The following SNX21 variants were observed in gnomAD, a reference collection of about 807,000 sequenced individuals.
The protein encoded by SNX21 is sorting nexin family member 21.
SNX21 carries 36 observed loss-of-function variants against 30.9 expected under a neutral mutation model. The observed-to-expected ratio is 1.16, with a 90% CI of 0.89 to 1.54. The LOEUF (loss-of-function observed/expected upper bound fraction) is 1.54, where lower values mean the gene tolerates loss of function less well. Ranked by LOEUF, SNX21 falls within the 40% of genes most tolerant of loss-of-function variation. The probability of loss-of-function intolerance (pLI) is 0.00; values close to 1 mark genes in which losing one functional copy is unlikely to be tolerated. For missense variants in SNX21, 508 were observed against 516.5 expected (o/e 0.98, Z 0.16); for synonymous variants, 218 against 222.7 (o/e 0.98, Z 0.19).
Position 45,842,218 on chromosome 20 carries a change from C to T in SNX21, c.*905C>T. On this transcript the variant is annotated 3_prime_UTR_variant, in exon 4 of 4. Transcript: ENST00000491381. ...AAGGGTGCACTGAGTGTCGTGGCTG[C>T]TCCAAATGCCCCTTCATGAGCTTAT... is the stretch of plus-strand genomic sequence containing the variant. 3 of 1,452,686 alleles carry T rather than the reference C, an allele frequency of 2.1e-6. No individual in the cohort carries two copies. Among genetic ancestry groups the T allele is most frequent in the Non-Finnish European group, 2.7e-6 (3 of 1,110,602 alleles). 90.0% of individuals were successfully genotyped at this position (1,452,686 alleles called of 1,614,324 possible).
intron 3 of SNX21, among the ~76,000 whole-genome samples, chr20:45,837,341 T>C (rs1039155884): frequency 2.6e-5 from 4 of 152,232 alleles, no homozygotes; most frequent in African/African-American, 9.6e-5. Context: ...GGCAATATGT[T>C]TTGAGAATGC....
At chr20:45,834,818 T>C in intron 2 of SNX21, 141 bp from the exon 3 acceptor site, 1 of 1,136,184 alleles carries the variant, frequency 8.8e-7, no homozygotes, top group Non-Finnish European at 1.3e-6. Context: ...GGCTCCTCGG[T>C]GCCTCTCTGT....
intron 3 of SNX21, among the ~76,000 whole-genome samples, chr20:45,839,342 C>T (rs11696533): frequency 0.6 from 90,481 of 151,614 alleles, 27,448 homozygotes; most frequent in African/African-American, 0.71. Context: ...AGTGAAACCC[C>T]GTCTCTACTA....
rs759037876 is a variant in SNX21, at chr20:45,843,066, A to G, written c.*1753A>G. The G allele has an allele frequency of 8.7e-7, 1 of 1,146,340 alleles. No individual in the cohort carries two copies. The highest frequency in any genetic ancestry group is 1.1e-6 in the Non-Finnish European group (1 of 918,226). The allele number at this position is 1,146,340 out of a possible 1,614,324, so 71.0% of individuals were successfully genotyped here. A position where few individuals can be genotyped will look rare whatever the true frequency, so the allele number is the denominator to read the frequency against. On this transcript the variant is annotated 3_prime_UTR_variant, in exon 4 of 4. Coordinates refer to ENST00000491381, the MANE Select transcript of SNX21 (RefSeq NM_033421.4). Reference sequence around the variant, plus strand: ...AATCACTTAGAGAACTTAAAAATACAGTTTCCTGGACCTTATCCAAGACCT... The same window carrying G: ...AATCACTTAGAGAACTTAAAAATACGGTTTCCTGGACCTTATCCAAGACCT...
chr20:45,833,877 C>CG lies in SNX21; in HGVS notation c.-37dup, dbSNP rs1253657369. 2.3e-5 allele frequency: 31 copies of CG among 1,336,514 alleles called. No homozygotes were observed. The highest frequency in any genetic ancestry group is 1.0e-4 in the South Asian group (5 of 48,662). 82.8% of individuals were successfully genotyped at this position (1,336,514 alleles called of 1,614,324 possible). Reference sequence around the variant, plus strand: ...GAACCCGGCCGACCTCCATGGGCTGCGGGGGGCTGCACCCGGACCCCTGGG... The same window carrying CG: ...GAACCCGGCCGACCTCCATGGGCTGCGGGGGGGCTGCACCCGGACCCCTGGG... On this transcript the variant is annotated 5_prime_UTR_variant, in exon 1 of 4. An upstream open reading frame in the 5' UTR loses its in-frame stop. Transcript: ENST00000491381.
intron 3 of SNX21, 157 bp from the exon 4 acceptor site, chr20:45,840,482 G>C (rs113852900): frequency 6.2e-7 from 1 of 1,613,924 alleles, no homozygotes. Context: ...GGGCTTCCCC[G>C]CCACTGCGCA....
At chr20:45,834,053 C>T (rs1983250858) in intron 1 of SNX21, 113 bp downstream of exon 1, 2 of 1,413,316 alleles carry the variant, frequency 1.4e-6, no homozygotes, top group Non-Finnish European at 1.9e-6. Context: ...GGCTGGGTCC[C>T]CTGGTTCGCA....
Position 45,841,820 on chromosome 20 carries a change from C to T in SNX21, c.*507C>T, listed in dbSNP as rs760658642. The T allele has an allele frequency of 1.8e-5, 29 of 1,583,138 alleles. No individual in the cohort carries two copies. Among genetic ancestry groups the T allele is most frequent in the African/African-American group, 2.7e-5 (2 of 73,778 alleles). ...GATGGGAGGTTCTTGAAGCCCCAGG[C>T]GAAGCTGGTACCTCTGGCTACAGCT... On this transcript the variant is annotated 3_prime_UTR_variant, in exon 4 of 4. Coordinates refer to ENST00000491381, the MANE Select transcript of SNX21 (RefSeq NM_033421.4).
intron 3 of SNX21, 66 bp downstream of exon 3, chr20:45,835,182 AC>A: frequency 1.3e-6 from 2 of 1,508,400 alleles, no homozygotes; most frequent in Non-Finnish European, 1.8e-6. Context: ...AGTAGGGAAG[AC>A]CCCAACTTCC....
intron 2 of SNX21, 109 bp downstream of exon 2, chr20:45,834,577 C>T (rs889804911): frequency 5.1e-6 from 7 of 1,377,288 alleles, no homozygotes; most frequent in African/African-American, 4.4e-5. Context: ...GAAACTCCCA[C>T]ACTTCTTAAA....
At chr20:45,834,708 A>C (rs1212883133) in intron 2 of SNX21, 1 of 663,838 alleles carries the variant, frequency 1.5e-6, no homozygotes, top group Non-Finnish European at 2.5e-6. Flanking sequence ...GCAGGCATTA[A>C]ATGTACAGGG....
intron 3 of SNX21, 33 bp from the exon 4 acceptor site, chr20:45,840,606 T>C (rs1275631308): frequency 6.2e-7 from 1 of 1,614,102 alleles, no homozygotes; most frequent in South Asian, 1.1e-5. Context: ...CGTGGACAAC[T>C]TGCATTTGCC....
intron 2 of SNX21, 91 bp from the exon 3 acceptor site, chr20:45,834,867 GC>G: frequency 6.7e-7 from 1 of 1,485,120 alleles, no homozygotes; most frequent in Non-Finnish European, 9.1e-7. Flanking sequence ...GGTAAGTCCT[GC>G]CTCACACTGG....
At position 45,841,104 on chromosome 20, in the gene SNX21, T is replaced by G. The variant is rs746337669; in HGVS notation, c.913T>G (p.Cys305Gly). The G allele has an allele frequency of 1.2e-6, 2 of 1,609,916 alleles. No homozygotes were observed. The highest frequency in any genetic ancestry group is 2.7e-5 in the African/African-American group (2 of 74,800). ...ELEDPGEARA[C>G]CEKALQLLGD... ...GGAAGACCCTGGAGAGGCCCGGGCA[T>G]GCTGTGAGAAGGCCCTGCAGCTGCT... is the stretch of plus-strand genomic sequence containing the variant. Residue 305 changes from cysteine (C) to glycine (G), a missense_variant, in exon 4 of 4, where the codon TGC becomes GGC. Coordinates refer to ENST00000491381, the MANE Select transcript of SNX21 (RefSeq NM_033421.4).
At chr20:45,840,297 T>G (rs1601077466) in intron 3 of SNX21, 1 of 1,539,268 alleles carries the variant, frequency 6.5e-7, no homozygotes. Flanking sequence ...TTGGCTGGGG[T>G]TTCAGCTTAT....
chr20:45,840,057 G>A (rs892497583), intron 3 of SNX21: 104 of 760,084 alleles, frequency 1.4e-4, no homozygotes, highest in Non-Finnish European at 1.6e-4. Context: ...ACTAGAAACA[G>A]AAGTGGACCC....
In SNX21 at chr20:45,841,162, C is replaced by A. The variant is rs1459357733; in HGVS notation, c.971C>A (p.Pro324His). ...AAGAGCCTCCACCCTTTGCTGGCAC[C>A]CTTTCTGGAGGCCCATGTCCGGCTC... ...GDKSLHPLLAPFLEAHVRLSW... is the reference protein window; with the variant it reads ...GDKSLHPLLAHFLEAHVRLSW... The change falls in exon 4 of 4, where the codon CCC becomes CAC. Residue 324 changes from proline to histidine, a missense_variant. By Grantham distance (77) the Pro-to-His change is moderately conservative. Coordinates refer to ENST00000491381, the MANE Select transcript of SNX21 (RefSeq NM_033421.4). 3.7e-6 allele frequency: 6 copies of A among 1,613,778 alleles called. 1 individual carries two copies. The Admixed American group carries it at 8.3e-5, about 22-fold the overall frequency.
chr20:45,834,497 C>A (rs757791833), intron 2 of SNX21, 29 bp downstream of exon 2: 3 of 1,568,888 alleles, frequency 1.9e-6, no homozygotes, highest in Non-Finnish European at 2.6e-6. Flanking sequence ...AGGCGGGAAC[C>A]CTGGGGCTCG....
intron 3 of SNX21, 50 bp from the exon 4 acceptor site, chr20:45,840,589 A>G: frequency 6.3e-7 from 1 of 1,598,622 alleles, no homozygotes; most frequent in Non-Finnish European, 8.6e-7. Flanking sequence ...TGGGGAGGGA[A>G]CGGGCCCGTG....
Sources: allele counts gnomAD v4.1 joint callset (sites outside exome capture counted in the v4.1 genomes callset), GRCh38; gene constraint gnomAD v4.1.1; transcripts MANE v1.5; gene names NCBI Gene and HGNC (gene_info 2026-07-23, HGNC 2026-07-21).